The following KIF16B variants were observed in gnomAD, a reference collection of about 807,000 sequenced individuals.
The protein encoded by KIF16B is kinesin-like protein KIF16B.
KIF16B carries 98 observed loss-of-function variants against 156.3 expected under a neutral mutation model. That is an observed-to-expected ratio of 0.63 (90% confidence interval 0.53 to 0.74). The LOEUF is 0.74. Ranked by LOEUF, KIF16B falls within the 30% of genes least tolerant of loss-of-function variation. The pLI, the probability that KIF16B is intolerant of heterozygous loss-of-function variation, is 0.00. For synonymous variants in KIF16B, 564 were observed against 583.7 expected (o/e 0.97, Z 0.49); for missense variants, 1,421 against 1,606.5 (o/e 0.88, Z 1.97).
In KIF16B at chr20:16,510,822, T is replaced by C. The variant is rs568883236; in HGVS notation, c.556+596A>G. ...ACATCTCTATGTGCGATTCCTGCAG[T>C]CCAGCCATTCTAAGTTGCCTTATAC... is the stretch of plus-strand genomic sequence containing the variant. On this transcript the variant is annotated intron_variant, in intron 6 of 25. Transcript: ENST00000354981. Among the ~76,000 whole-genome samples, 59 of 152,330 alleles carry C rather than the reference T, an allele frequency of 3.9e-4. 1 individual carries two copies. Among genetic ancestry groups the C allele is most frequent in the African/African-American group, 1.4e-3 (57 of 41,576 alleles).
intron 15 of KIF16B, among the ~76,000 whole-genome samples, chr20:16,417,517 A>G (rs1477568304): frequency 2.6e-5 from 4 of 152,192 alleles, no homozygotes; most frequent in Admixed American, 6.5e-5. Flanking sequence ...CAAAATGTCT[A>G]TGACACAATC....
At position 16,374,261 on chromosome 20, in the gene KIF16B, C is replaced by A; in HGVS notation, c.3346G>T (p.Ala1116Ser). 1 of 1,567,388 alleles carries A rather than the reference C, an allele frequency of 6.4e-7. No individual in the cohort carries two copies. ...EKSHLVPLMD[A>S]RINAYIEEEV... ...AATCACTTTCATGTCCAGTACCTGG[C>A]ATCCATGAGGGGAACCAGGTGTGAT... is the stretch of plus-strand genomic sequence containing the variant. The change falls in exon 20 of 26, where the codon GCC becomes TCC. Residue 1116 changes from alanine (A) to serine (S), a missense_variant. Physicochemically the swap from Ala to Ser is moderately conservative, Grantham distance 99 (BLOSUM62 1). Transcript: ENST00000354981.
intron 12 of KIF16B, among the ~76,000 whole-genome samples, chr20:16,442,915 C>T (rs2066841454): frequency 6.6e-6 from 1 of 152,174 alleles, no homozygotes; most frequent in Non-Finnish European, 1.5e-5. Flanking sequence ...TTCTGAAAGA[C>T]GTACACTGCC....
chr20:16,368,834 A>G, intron 22 of KIF16B: 1 of 985,788 alleles, frequency 1.0e-6, no homozygotes, highest in Non-Finnish European at 1.2e-6. Flanking sequence ...ACTTCTTGGG[A>G]CGTATGTTGC....
Position 16,505,846 on chromosome 20 carries a change from T to C in KIF16B, c.876A>G (p.Leu292=), listed in dbSNP as rs1300450093. Residue 292 remains leucine (L), a synonymous_variant, in exon 9 of 26, where the codon TTA becomes TTG. Coordinates refer to ENST00000354981, the MANE Select transcript of KIF16B (RefSeq NM_024704.5). ...LGNVISALAD[L]SQDAANTLAK... is the part of the protein sequence containing the mutation. Reference sequence around the variant, plus strand: ...CAAGAGTATTTGCAGCATCCTGAGATAAATCAGCTATGAAAAGGAAGAAAC... The same window carrying C: ...CAAGAGTATTTGCAGCATCCTGAGACAAATCAGCTATGAAAAGGAAGAAAC... The C allele has an allele frequency of 3.1e-6, 5 of 1,613,822 alleles. No homozygotes were observed. The highest frequency in any genetic ancestry group is 2.2e-5 in the South Asian group (2 of 91,014).
intron 1 of KIF16B, among the ~76,000 whole-genome samples, chr20:16,533,054 T>C (rs1377273008): frequency 6.6e-6 from 1 of 152,224 alleles, no homozygotes; most frequent in East Asian, 1.9e-4. Context: ...AAGGCTGTTA[T>C]GCAATATGAC....
chr20:16,514,201 GT>G (rs200560111), intron 4 of KIF16B, among the ~76,000 whole-genome samples: 15 of 148,262 alleles, frequency 1.0e-4, no homozygotes, highest in East Asian at 2.0e-4. Flanking sequence ...TGGAAGTTTT[GT>G]TTTTTTTTTC....
intron 13 of KIF16B, 63 bp from the exon 14 acceptor site, chr20:16,429,067 T>C (rs2146433029): frequency 7.1e-7 from 1 of 1,399,926 alleles, no homozygotes; most frequent in Non-Finnish European, 1.0e-6. Context: ...GTTTCTTCAT[T>C]TTTCATTGAA....
chr20:16,528,788 A>T (rs1441033466), intron 1 of KIF16B, among the ~76,000 whole-genome samples: 1 of 152,068 alleles, frequency 6.6e-6, no homozygotes, highest in Non-Finnish European at 1.5e-5. Context: ...AAAGAGAAAG[A>T]GACCTTAGCC....
At chr20:16,361,505 A>C (rs2064551994) in intron 22 of KIF16B, among the ~76,000 whole-genome samples, 1 of 152,194 alleles carries the variant, frequency 6.6e-6, no homozygotes, top group Non-Finnish European at 1.5e-5. Context: ...TGGCAAATAC[A>C]TCTGATTTGG....
chr20:16,348,141 A>G (rs558458967), intron 23 of KIF16B, among the ~76,000 whole-genome samples: 13 of 152,376 alleles, frequency 8.5e-5, no homozygotes, highest in Non-Finnish European at 1.5e-4. Context: ...ATTCAAGGCA[A>G]AAAGTTAAAA....
chr20:16,433,051 TC>T (rs1178418007), intron 12 of KIF16B, among the ~76,000 whole-genome samples: 2 of 152,154 alleles, frequency 1.3e-5, no homozygotes, highest in Non-Finnish European at 2.9e-5. Context: ...CTCCTACCTC[TC>T]GGATATTAGC....
intron 12 of KIF16B, among the ~76,000 whole-genome samples, chr20:16,434,553 GA>G (rs2066593066): frequency 6.6e-6 from 1 of 152,110 alleles, no homozygotes; most frequent in South Asian, 2.1e-4. Context: ...ATTGTACTTG[GA>G]AAAAACTGGG....
At chr20:16,504,736 G>A (rs1305998274) in intron 9 of KIF16B, among the ~76,000 whole-genome samples, 189 bp from the exon 10 acceptor site, 1 of 151,704 alleles carries the variant, frequency 6.6e-6, no homozygotes, top group Non-Finnish European at 1.5e-5. Flanking sequence ...ACAAAATTAA[G>A]TGTCATTTTG....
chr20:16,571,777 C>G (rs1389076576), intron 1 of KIF16B, among the ~76,000 whole-genome samples: 1 of 151,846 alleles, frequency 6.6e-6, no homozygotes, highest in Non-Finnish European at 1.5e-5. Flanking sequence ...CTACAGGCGT[C>G]CACCACCACG....
intron 23 of KIF16B, among the ~76,000 whole-genome samples, chr20:16,338,321 A>T (rs1485783335): frequency 6.6e-6 from 1 of 152,024 alleles, no homozygotes; most frequent in Non-Finnish European, 1.5e-5. Flanking sequence ...ATCCTCTCTG[A>T]ACTCTCTACT....
At chr20:16,455,781 T>C (rs2067196871) in intron 12 of KIF16B, among the ~76,000 whole-genome samples, 1 of 152,174 alleles carries the variant, frequency 6.6e-6, no homozygotes, top group South Asian at 2.1e-4. Flanking sequence ...ACATATGTAT[T>C]TATTTGGGGT....
chr20:16,539,581 T>A (rs1316490045), intron 1 of KIF16B, among the ~76,000 whole-genome samples: 1 of 152,116 alleles, frequency 6.6e-6, no homozygotes, highest in Non-Finnish European at 1.5e-5. Flanking sequence ...ATTCTTTCCA[T>A]GTGATGTGCC....
intron 12 of KIF16B, among the ~76,000 whole-genome samples, chr20:16,477,214 A>T (rs2067843991): frequency 6.7e-6 from 1 of 150,120 alleles, no homozygotes; most frequent in Non-Finnish European, 1.5e-5. Context: ...TCCTTAAAAA[A>T]AAAAAAAGGT....
Sources: gnomAD v4.1 joint callset for allele counts (sites outside exome capture counted in the v4.1 genomes callset) on GRCh38, gnomAD v4.1.1 for gene constraint, MANE v1.5 for transcripts, NCBI Gene and HGNC (gene_info 2026-07-23, HGNC 2026-07-21) for gene names.